Variants in TRPV3 observed in about 807,000 individuals in gnomAD.
TRPV3 encodes the protein transient receptor potential cation channel subfamily V member 3, also known as VRL-3.
TRPV3 carries 88 observed loss-of-function variants against 87.1 expected under a neutral mutation model. The observed-to-expected ratio is 1.01, with a 90% CI of 0.85 to 1.21. The LOEUF (loss-of-function observed/expected upper bound fraction) is 1.21, where lower values mean the gene tolerates loss of function less well. TRPV3 is among the 50% of genes most tolerant of loss of function. The pLI, the probability that TRPV3 is intolerant of heterozygous loss-of-function variation, is 0.00. For synonymous variants in TRPV3, 438 were observed against 423.3 expected, an observed-to-expected ratio of 1.03 and a Z score of -0.43; for missense variants, 1,054 against 1,030.1, an observed-to-expected ratio of 1.02 and a Z score of -0.32.
Position 3,528,121 on chromosome 17 carries a change from G to T in TRPV3, c.1407C>A (p.Ile469=). ...SYYRPREEEA[I]PHPLALTHKM... ...TGTGCGTCAGGGCCAAGGGGTGCGGGATGGCCTGCAGGGAAAGAAGAGGGG... is the reference window on the plus strand; with the variant it reads ...TGTGCGTCAGGGCCAAGGGGTGCGGTATGGCCTGCAGGGAAAGAAGAGGGG... Residue 469 remains isoleucine, a synonymous_variant, in exon 11 of 18, where the codon ATC becomes ATA. Transcript: ENST00000576742. The surrounding 1 kb of genome is among the most constrained non-coding windows in gnomAD (Gnocchi z 4.2). 1 of 1,612,330 alleles carries T rather than the reference G, an allele frequency of 6.2e-7. No homozygotes were observed. The highest frequency in any genetic ancestry group is 8.5e-7 in the Non-Finnish European group (1 of 1,179,198).
chr17:3,532,839 G>T lies in TRPV3; in HGVS notation c.883C>A (p.Arg295=). 1 of 1,614,244 alleles carries T rather than the reference G, an allele frequency of 6.2e-7. No individual in the cohort carries two copies. The highest frequency in any genetic ancestry group is 8.5e-7 in the Non-Finnish European group (1 of 1,180,044). ...AGGGCGTGAAGGATGTTGTTGCCTC[G>T]TGAGTCCCGCGAGGTGATGTCCGTC... ...EQTDITSRDS[R]GNNILHALVT... is the part of the protein sequence containing the mutation. Residue 295 remains arginine (R), a synonymous_variant, in exon 8 of 18, where the codon CGA becomes AGA. Coordinates refer to ENST00000576742, the MANE Select transcript of TRPV3 (RefSeq NM_145068.4).
At chr17:3,545,103 T>C in intron 3 of TRPV3, 64 bp downstream of exon 3, 2 of 1,211,448 alleles carry the variant, frequency 1.7e-6, no homozygotes, top group Non-Finnish European at 2.4e-6. Flanking sequence ...GGCAAGTCAC[T>C]GGCCACATGC....
chr17:3,535,695 A>G lies in TRPV3; in HGVS notation c.662T>C (p.Ile221Thr), dbSNP rs1057493470. 1.5e-5 allele frequency: 24 copies of G among 1,573,230 alleles called. No homozygotes were observed. Among genetic ancestry groups the G allele is most frequent in the African/African-American group, 4.1e-5 (3 of 72,982 alleles). The change falls in exon 7 of 18, where the codon ATC (isoleucine) becomes ACC (threonine). Residue 221 changes from isoleucine (I) to threonine (T), a missense_variant. By Grantham distance (89) the Ile-to-Thr change is moderately conservative. Transcript: ENST00000576742. The part of the protein sequence containing the change: ...EAYEGQTALN[I>T]AIERRQGDIA... Reference sequence around the variant, plus strand: ...GTCCCCCTGCCGCCGCTCGATGGCGATGTTCAGCGCCGTCTGCCCTGCGGA... The same window carrying G: ...GTCCCCCTGCCGCCGCTCGATGGCGGTGTTCAGCGCCGTCTGCCCTGCGGA...
intron 4 of TRPV3, 84 bp from the exon 5 acceptor site, chr17:3,543,712 G>A: frequency 1.9e-6 from 3 of 1,561,794 alleles, no homozygotes; most frequent in Non-Finnish European, 8.7e-7. Flanking sequence ...CTGCCTACGG[G>A]GCGCTGCAGC....
Position 3,544,635 on chromosome 17 carries a change from G to A in TRPV3, c.255C>T (p.Ser85=), listed in dbSNP as rs551456727. The A allele has an allele frequency of 3.7e-6, 6 of 1,609,618 alleles. No homozygotes were observed. In the East Asian group the frequency reaches 1.1e-4, roughly 30 times the overall value. The stretch of plus-strand genomic sequence containing the variant: ...TCACATCATCCTGAGGAGACTGGGG[G>A]GAGTCCATGTCATCACAGTTACCAG... ...CISGNCDDMD[S]PQSPQDDVTE... Residue 85 remains serine, a synonymous_variant, in exon 4 of 18, where the codon TCC becomes TCT. Transcript: ENST00000576742.
intron 2 of TRPV3, among the ~76,000 whole-genome samples, chr17:3,548,050 A>G (rs1161277647): frequency 6.6e-6 from 1 of 152,184 alleles, no homozygotes; most frequent in Non-Finnish European, 1.5e-5. Flanking sequence ...TGCAGCTGCT[A>G]CAGGACAACT....
intron 6 of TRPV3, among the ~76,000 whole-genome samples, chr17:3,541,085 G>A (rs1233117601): frequency 6.6e-6 from 1 of 152,226 alleles, no homozygotes; most frequent in Non-Finnish European, 1.5e-5. Context: ...CTAAATTGTG[G>A]CAGGGCGTGG....
Position 3,542,714 on chromosome 17 carries a change from T to C in TRPV3, c.467-16A>G. On this transcript the variant is annotated splice_polypyrimidine_tract_variant and intron_variant, in intron 5 of 17. Coordinates refer to ENST00000576742, the MANE Select transcript of TRPV3 (RefSeq NM_145068.4). ...ATGAGGAAGTCTGCAGGCAGGGCCA[T>C]GGGTGGAGTTACAGGAGGGCCCCGG... The C allele has an allele frequency of 6.2e-7, 1 of 1,611,332 alleles. No homozygotes were observed. Among genetic ancestry groups the C allele is most frequent in the Non-Finnish European group, 8.5e-7 (1 of 1,178,608 alleles).
In TRPV3 at chr17:3,528,099, G is replaced by A. The variant is rs1365196423; in HGVS notation, c.1429C>T (p.His477Tyr). 6.2e-7 allele frequency: 1 copy of A among 1,613,574 alleles called. No homozygotes were observed. Among genetic ancestry groups the A allele is most frequent in the Non-Finnish European group, 8.5e-7 (1 of 1,179,866 alleles). Residue 477 changes from histidine (H) to tyrosine (Y), a missense_variant, in exon 11 of 18, where the codon CAC (histidine) becomes TAC (tyrosine). His to Tyr is a moderately conservative substitution (Grantham distance 83, BLOSUM62 2). Coordinates refer to ENST00000576742, the MANE Select transcript of TRPV3 (RefSeq NM_145068.4). This position sits in a 1 kb window ranked among gnomAD's most constrained non-coding sequence, Gnocchi z 4.2. ...AGGAGCTGCAGCCACCCCATCTTGT[G>A]CGTCAGGGCCAAGGGGTGCGGGATG... ...EAIPHPLALT[H>Y]KMGWLQLLGR... is the part of the protein sequence containing the mutation.
chr17:3,557,151 C>T lies in TRPV3; in HGVS notation c.-3+525G>A, dbSNP rs1373171652. ...TCTCACCTGCTGGACTCTCTTGTTG[C>T]CCTGGCCCTCCCTCTCTCTCCCAAT... On this transcript the variant is annotated intron_variant, in intron 1 of 17. Transcript: ENST00000576742. The surrounding 1 kb of genome is among the most constrained non-coding windows in gnomAD (Gnocchi z 4.5). Among the ~76,000 whole-genome samples, 1 of 152,104 alleles carries T rather than the reference C, an allele frequency of 6.6e-6. No homozygotes were observed.
rs776849528 is a variant in TRPV3 at position 3,554,858 on chromosome 17, A to T, written c.-2-6T>A. On this transcript the variant is annotated splice_region_variant and splice_polypyrimidine_tract_variant and intron_variant, in intron 1 of 17. Transcript: ENST00000576742. ...CTTGGGGTGGGCTTTCATGGCTGGAATACAACCACAGGGCAGATGCTCAGG... is the reference window on the plus strand; with the variant it reads ...CTTGGGGTGGGCTTTCATGGCTGGATTACAACCACAGGGCAGATGCTCAGG... 21 of 1,600,484 alleles carry T rather than the reference A, an allele frequency of 1.3e-5. No homozygotes were observed. In the East Asian group the frequency reaches 4.7e-4, roughly 36 times the overall value.
chr17:3,523,213 A>G (rs1247469643), intron 13 of TRPV3, among the ~76,000 whole-genome samples: 1 of 152,226 alleles, frequency 6.6e-6, no homozygotes, highest in Non-Finnish European at 1.5e-5. Flanking sequence ...AAAAATATCA[A>G]CAGAATATTA....
Position 3,514,637 on chromosome 17 carries a change from T to C in TRPV3, c.2234A>G (p.His745Arg). ...NEVKWTEWKTHVSFLNEDPGP... is the reference protein window; with the variant it reads ...NEVKWTEWKTRVSFLNEDPGP... The stretch of plus-strand genomic sequence containing the variant: ...CGGGTCTTCGTTAAGGAAGGAGACG[T>C]GCGTCTTCCATTCAGTCCACTTCAC... Residue 745 changes from histidine to arginine, a missense_variant, in exon 17 of 18, where the codon CAC becomes CGC. Coordinates refer to ENST00000576742, the MANE Select transcript of TRPV3 (RefSeq NM_145068.4). The C allele has an allele frequency of 1.9e-6, 3 of 1,614,070 alleles. No individual in the cohort carries two copies. Among genetic ancestry groups the C allele is most frequent in the Non-Finnish European group, 2.5e-6 (3 of 1,179,952 alleles).
rs373229839 is a variant in TRPV3, at chr17:3,530,153, G to A, written c.1116C>T (p.Ser372=). 6.2e-7 allele frequency: 1 copy of A among 1,614,046 alleles called. No individual in the cohort carries two copies. The highest frequency in any genetic ancestry group is 8.5e-7 in the Non-Finnish European group (1 of 1,179,954). The part of the protein sequence containing the change: ...SREIKEKRLR[S]LSRKFTDWAY... ...CCCAGTCGGTGAACTTCCTGGACAGGCTCCGGAGCCGCTTCTCCTTGATCT... is the reference window on the plus strand; with the variant it reads ...CCCAGTCGGTGAACTTCCTGGACAGACTCCGGAGCCGCTTCTCCTTGATCT... Residue 372 remains serine (S), a synonymous_variant, in exon 9 of 18, where the codon AGC becomes AGT. Transcript: ENST00000576742. The surrounding 1 kb of genome is among the most constrained non-coding windows in gnomAD (Gnocchi z 4.0).
intron 13 of TRPV3, among the ~76,000 whole-genome samples, chr17:3,523,888 C>G (rs752367592): frequency 5.6e-5 from 8 of 143,042 alleles, no homozygotes; most frequent in Non-Finnish European, 1.0e-4. Context: ...TATACATATT[C>G]CACCTACACA....
chr17:3,532,348 G>C (rs2074355932), intron 8 of TRPV3, among the ~76,000 whole-genome samples: 1 of 152,252 alleles, frequency 6.6e-6, no homozygotes, highest in Non-Finnish European at 1.5e-5. Flanking sequence ...GCCACCCACT[G>C]CTGGGGCTAT....
chr17:3,537,892 T>TAAAAA (rs1161250971), intron 6 of TRPV3, among the ~76,000 whole-genome samples: 1 of 101,490 alleles, frequency 9.9e-6, no homozygotes, highest in African/African-American at 5.7e-5. Flanking sequence ...TCTGTCTTTT[T>TAAAAA]AAAAAAAAAA....
chr17:3,514,802 C>T lies in TRPV3; in HGVS notation c.2199-130G>A, dbSNP rs548094355. 3.8e-3 allele frequency: 2,639 copies of T among 690,626 alleles called. 5 individuals carry two copies. Among genetic ancestry groups the T allele is most frequent in the Non-Finnish European group, 5.2e-3 (2,113 of 405,282 alleles). 42.8% of individuals were successfully genotyped at this position (690,626 alleles called of 1,614,324 possible). On this transcript the variant is annotated intron_variant, in intron 16 of 17. Transcript: ENST00000576742. ...GTCTGTCCTAGAGATCAGGAGCACCCCTGACCCGAGGGGTCACACCAAAGT... is the reference window on the plus strand; with the variant it reads ...GTCTGTCCTAGAGATCAGGAGCACCTCTGACCCGAGGGGTCACACCAAAGT...
At chr17:3,535,210 CCT>C (rs2074391069) in intron 7 of TRPV3, among the ~76,000 whole-genome samples, 1 of 122,654 alleles carries the variant, frequency 8.2e-6, no homozygotes, top group Non-Finnish European at 1.8e-5. Flanking sequence ...CCTCCTTCTC[CCT>C]TCTGTCTCCT....
Sources: allele counts gnomAD v4.1 joint callset (sites outside exome capture counted in the v4.1 genomes callset), GRCh38; gene constraint gnomAD v4.1.1; non-coding constraint Gnocchi (gnomAD v3.1); transcripts MANE v1.5; gene names NCBI Gene and HGNC (gene_info 2026-07-23, HGNC 2026-07-21).